Variants in PRKCB observed in about 807,000 individuals in gnomAD.
PRKCB encodes the protein protein kinase C beta, also known as protein kinase C beta type.
PRKCB carries 13 observed loss-of-function variants against 81.5 expected under a neutral mutation model. The ratio of observed to expected loss-of-function variants is 0.16; its 90% CI spans 0.10 to 0.25. PRKCB has a LOEUF of 0.25. Ranked by LOEUF, PRKCB falls within the 10% of genes least tolerant of loss-of-function variation. PRKCB has a pLI of 1.00. For synonymous variants in PRKCB, 335 were observed against 321.4 expected (o/e 1.04, Z -0.45); for missense variants, 509 against 875.7 (o/e 0.58, Z 5.29).
chr16:24,177,964 A>C (rs924328555), intron 12 of PRKCB, among the ~76,000 whole-genome samples: 3 of 152,178 alleles, frequency 2.0e-5, no homozygotes, highest in Non-Finnish European at 4.4e-5. Context: ...TGAAATTGAT[A>C]GTCAAATGGA....
intron 5 of PRKCB, among the ~76,000 whole-genome samples, chr16:24,075,081 G>T (rs74660825): frequency 1.4e-5 from 2 of 147,044 alleles, no homozygotes; most frequent in Non-Finnish European, 3.0e-5. Flanking sequence ...ATTGCACCAC[G>T]CACTCTAGCC....
chr16:23,941,338 T>C (rs1456823938), intron 2 of PRKCB, among the ~76,000 whole-genome samples: 2 of 152,196 alleles, frequency 1.3e-5, no homozygotes, highest in Non-Finnish European at 2.9e-5. Context: ...ATATAACAAA[T>C]GATCCTTTTG....
At chr16:24,060,119 A>G (rs1965954215) in intron 5 of PRKCB, among the ~76,000 whole-genome samples, 1 of 152,156 alleles carries the variant, frequency 6.6e-6, no homozygotes. Flanking sequence ...GGGAATAGGG[A>G]TAGGAATTAA....
intron 8 of PRKCB, among the ~76,000 whole-genome samples, chr16:24,115,795 G>A (rs552894248): frequency 1.3e-5 from 2 of 151,964 alleles, no homozygotes; most frequent in East Asian, 1.9e-4. Flanking sequence ...GTGAGATCTC[G>A]GCTCACTGCA....
At chr16:24,108,767 CG>C (rs1235422236) in intron 7 of PRKCB, among the ~76,000 whole-genome samples, 2 of 144,512 alleles carry the variant, frequency 1.4e-5, no homozygotes, top group African/African-American at 5.2e-5. Flanking sequence ...TACACAGACA[CG>C]GCAACCATCC....
intron 7 of PRKCB, among the ~76,000 whole-genome samples, chr16:24,100,296 C>T (rs1479549036): frequency 6.6e-6 from 1 of 151,732 alleles, no homozygotes; most frequent in Admixed American, 6.6e-5. Flanking sequence ...CAGTGGGGGG[C>T]CTTAAGATTT....
intron 16 of PRKCB, among the ~76,000 whole-genome samples, chr16:24,207,081 G>A (rs1197930618): frequency 6.6e-6 from 1 of 152,126 alleles, no homozygotes; most frequent in Non-Finnish European, 1.5e-5. Context: ...CAGGCATGTG[G>A]CGTCATGCCC....
intron 2 of PRKCB, among the ~76,000 whole-genome samples, chr16:23,958,751 AC>A (rs1170016060): frequency 1.9e-5 from 2 of 105,200 alleles, no homozygotes; most frequent in Non-Finnish European, 3.7e-5. Context: ...ACTCCCTTCC[AC>A]CCCCTCTTCT....
At chr16:23,983,567 G>A (rs147993720) in intron 2 of PRKCB, among the ~76,000 whole-genome samples, 435 of 152,162 alleles carry the variant, frequency 2.9e-3, no homozygotes, top group African/African-American at 0.01. Flanking sequence ...TATGACTGAT[G>A]ATATTCATTT....
intron 2 of PRKCB, among the ~76,000 whole-genome samples, chr16:23,944,753 C>A (rs994548933): frequency 6.6e-6 from 1 of 152,222 alleles, no homozygotes; most frequent in Admixed American, 6.5e-5. Flanking sequence ...TCCTCCATCA[C>A]CTGCTCATAA....
At chr16:24,141,440 CCT>C (rs1258361430) in intron 9 of PRKCB, among the ~76,000 whole-genome samples, 1 of 152,226 alleles carries the variant, frequency 6.6e-6, no homozygotes, top group Non-Finnish European at 1.5e-5. Context: ...AAGTGATCCA[CCT>C]GCCTCAGCCT....
intron 3 of PRKCB, among the ~76,000 whole-genome samples, chr16:24,023,515 C>T (rs1965435702): frequency 6.6e-6 from 1 of 152,122 alleles, no homozygotes; most frequent in African/African-American, 2.4e-5. Context: ...ACTACAGGCG[C>T]CCGCCACCAC....
At chr16:24,173,784 G>A (rs904958992) in intron 11 of PRKCB, among the ~76,000 whole-genome samples, 7 of 152,054 alleles carry the variant, frequency 4.6e-5, no homozygotes, top group African/African-American at 4.8e-5. Context: ...TTCCAGCTGC[G>A]CCATTCATTC....
intron 3 of PRKCB, among the ~76,000 whole-genome samples, chr16:24,001,658 G>A (rs987787717): frequency 2.0e-5 from 3 of 152,078 alleles, no homozygotes; most frequent in African/African-American, 7.2e-5. Flanking sequence ...CATTATTCAA[G>A]GATCTTTTCT....
intron 5 of PRKCB, among the ~76,000 whole-genome samples, chr16:24,063,299 T>G (rs1294651864): frequency 6.8e-6 from 1 of 147,512 alleles, no homozygotes; most frequent in Non-Finnish European, 1.5e-5. Flanking sequence ...CTGATACACT[T>G]TTTTTTTTTT....
chr16:23,967,373 G>T (rs1964502276), intron 2 of PRKCB, among the ~76,000 whole-genome samples: 1 of 152,234 alleles, frequency 6.6e-6, no homozygotes. Context: ...GGGCGATAGG[G>T]TGGTGATGGT....
intron 5 of PRKCB, among the ~76,000 whole-genome samples, chr16:24,062,288 G>A (rs982930685): frequency 1.3e-5 from 2 of 152,198 alleles, no homozygotes; most frequent in Non-Finnish European, 2.9e-5. Context: ...GTCAGCTGGA[G>A]GGACAGGGAT....
chr16:24,115,850 C>T (rs905705992), intron 8 of PRKCB, among the ~76,000 whole-genome samples: 7 of 152,200 alleles, frequency 4.6e-5, no homozygotes, highest in East Asian at 3.9e-4. Context: ...CTCAGCCTCC[C>T]GAGTAGCTGG....
At chr16:24,171,688 G>A (rs56333520) in intron 10 of PRKCB, among the ~76,000 whole-genome samples, 4 of 152,138 alleles carry the variant, frequency 2.6e-5, no homozygotes, top group Non-Finnish European at 5.9e-5. Flanking sequence ...AGATTAATAT[G>A]CTAATTGTAT....
Sources: gnomAD v4.1 joint callset for allele counts (sites outside exome capture counted in the v4.1 genomes callset) on GRCh38, gnomAD v4.1.1 for gene constraint, MANE v1.5 for transcripts, NCBI Gene and HGNC (gene_info 2026-07-23, HGNC 2026-07-21) for gene names.